The following TAFA4 variants were observed in gnomAD, a reference collection of about 807,000 sequenced individuals.
TAFA4 encodes chemokine-like protein TAFA-4.
In TAFA4, 20 loss-of-function variants were observed where a neutral mutation model predicts 21.1. The ratio of observed to expected loss-of-function variants is 0.95; its 90% CI spans 0.67 to 1.38. The LOEUF is 1.38. TAFA4 is among the 40% of genes most tolerant of loss of function. The pLI, the probability that TAFA4 is intolerant of heterozygous loss-of-function variation, is 0.00. For synonymous variants in TAFA4, 71 were observed against 67.4 expected (o/e 1.05, Z -0.26); for missense variants, 211 against 180.9 (o/e 1.17, Z -0.95).
At chr3:68,811,735 G>C (rs1161360212) in intron 3 of TAFA4, among the ~76,000 whole-genome samples, 1 of 152,228 alleles carries the variant, frequency 6.6e-6, no homozygotes, top group Non-Finnish European at 1.5e-5. Context: ...ATGGAACCAA[G>C]TTGGAAAACA....
chr3:68,863,043 G>A (rs1255683558), intron 3 of TAFA4, among the ~76,000 whole-genome samples: 2 of 150,926 alleles, frequency 1.3e-5, no homozygotes, highest in Non-Finnish European at 3.0e-5. Flanking sequence ...AAACCAGACT[G>A]GGGAACATAG....
chr3:68,805,933 T>G (rs898737519), intron 3 of TAFA4, among the ~76,000 whole-genome samples: 4 of 151,966 alleles, frequency 2.6e-5, no homozygotes, highest in African/African-American at 4.8e-5. Context: ...TGTGCACATG[T>G]ACCCTAAAAC....
chr3:68,825,807 T>C (rs529629244), intron 3 of TAFA4, among the ~76,000 whole-genome samples: 19 of 152,318 alleles, frequency 1.2e-4, no homozygotes, highest in Middle Eastern at 3.4e-3. Context: ...TTGGATTCTA[T>C]TGAAGACACA....
intron 3 of TAFA4, among the ~76,000 whole-genome samples, chr3:68,783,207 G>A (rs983634294): frequency 1.3e-5 from 2 of 151,956 alleles, no homozygotes; most frequent in Non-Finnish European, 2.9e-5. Context: ...TTCCCCCTAA[G>A]ACTGGGAACA....
intron 4 of TAFA4, among the ~76,000 whole-genome samples, chr3:68,747,532 T>C (rs1021589935): frequency 6.6e-6 from 1 of 152,202 alleles, no homozygotes; most frequent in Admixed American, 6.5e-5. Context: ...ACCACGATGG[T>C]GAGGCCTCCC....
intron 3 of TAFA4, among the ~76,000 whole-genome samples, chr3:68,871,478 A>C (rs968196577): frequency 6.6e-6 from 1 of 152,184 alleles, no homozygotes; most frequent in African/African-American, 2.4e-5. Context: ...TGAAACTATT[A>C]GAAGCAAAAA....
At chr3:68,744,848 A>G (rs1702428443) in intron 4 of TAFA4, among the ~76,000 whole-genome samples, 1 of 152,208 alleles carries the variant, frequency 6.6e-6, no homozygotes, top group Non-Finnish European at 1.5e-5. Context: ...ATTGGAAAAT[A>G]TGGAGTGATG....
intron 3 of TAFA4, among the ~76,000 whole-genome samples, chr3:68,811,747 T>A (rs1242109564): frequency 1.3e-5 from 2 of 152,192 alleles, no homozygotes; most frequent in African/African-American, 4.8e-5. Context: ...TGGAAAACAT[T>A]CTGCAGGATA....
At chr3:68,856,749 T>C (rs1177985720) in intron 3 of TAFA4, among the ~76,000 whole-genome samples, 1 of 152,140 alleles carries the variant, frequency 6.6e-6, no homozygotes, top group Non-Finnish European at 1.5e-5. Flanking sequence ...CAACAAGAAT[T>C]ATACCTCACT....
At chr3:68,809,421 G>C (rs571328007) in intron 3 of TAFA4, among the ~76,000 whole-genome samples, 6 of 151,948 alleles carry the variant, frequency 3.9e-5, no homozygotes, top group Admixed American at 3.3e-4. Context: ...AAATATAATT[G>C]GTTGCCAATA....
intron 3 of TAFA4, among the ~76,000 whole-genome samples, chr3:68,812,034 A>G (rs540648357): frequency 4.6e-5 from 7 of 152,330 alleles, no homozygotes; most frequent in Admixed American, 3.9e-4. Flanking sequence ...ATTCTTAAAG[A>G]AAAGAATTTT....
intron 3 of TAFA4, among the ~76,000 whole-genome samples, chr3:68,822,148 A>T (rs541377471): frequency 1.5e-4 from 22 of 147,858 alleles, no homozygotes; most frequent in East Asian, 1.9e-4. Flanking sequence ...TGACTTTTTT[A>T]AAAAAAATGT....
chr3:68,766,387 A>T (rs1702855371), intron 3 of TAFA4, among the ~76,000 whole-genome samples: 1 of 152,130 alleles, frequency 6.6e-6, no homozygotes. Context: ...CACACATCAA[A>T]TCCAGGTAAT....
intron 3 of TAFA4, among the ~76,000 whole-genome samples, chr3:68,868,327 T>A (rs753328983): frequency 5.9e-5 from 9 of 151,868 alleles, no homozygotes; most frequent in Non-Finnish European, 7.4e-5. Context: ...CCCAAATATA[T>A]ATATAATGTA....
intron 3 of TAFA4, among the ~76,000 whole-genome samples, chr3:68,809,020 A>G (rs1293982005): frequency 6.6e-6 from 1 of 152,238 alleles, no homozygotes; most frequent in Admixed American, 6.5e-5. Flanking sequence ...CATTTGTTAA[A>G]GCAACTCACA....
intron 3 of TAFA4, among the ~76,000 whole-genome samples, chr3:68,767,269 C>T (rs544730089): frequency 3.0e-4 from 46 of 152,064 alleles, no homozygotes; most frequent in African/African-American, 1.0e-3. Context: ...AGATATGGGG[C>T]CCAGGAATCA....
At chr3:68,888,484 C>A (rs538685538) in intron 1 of TAFA4, among the ~76,000 whole-genome samples, 2 of 152,258 alleles carry the variant, frequency 1.3e-5, no homozygotes, top group East Asian at 3.9e-4. Flanking sequence ...CTACCCATTA[C>A]CCAACTCCAA....
intron 4 of TAFA4, among the ~76,000 whole-genome samples, chr3:68,748,812 C>T (rs999794322): frequency 2.0e-5 from 3 of 151,072 alleles, no homozygotes; most frequent in African/African-American, 7.3e-5. Flanking sequence ...TGAAAAGTAA[C>T]TACTTTCCAT....
chr3:68,787,939 A>G (rs1164318705), intron 3 of TAFA4, among the ~76,000 whole-genome samples: 2 of 152,204 alleles, frequency 1.3e-5, no homozygotes, highest in Non-Finnish European at 2.9e-5. Flanking sequence ...GTACTTAAAA[A>G]TCAAGAGATG....
Sources: gnomAD v4.1 joint callset for allele counts (sites outside exome capture counted in the v4.1 genomes callset) on GRCh38, gnomAD v4.1.1 for gene constraint, MANE v1.5 for transcripts, NCBI Gene and HGNC (gene_info 2026-07-23, HGNC 2026-07-21) for gene names.